CDH12: variants seen among roughly 807,000 people sequenced by gnomAD.
The protein encoded by CDH12 is cadherin-12.
Under a neutral mutation model 74.1 loss-of-function variants are expected in CDH12, and 41 were observed. The ratio of observed to expected loss-of-function variants is 0.55; its 90% confidence interval spans 0.43 to 0.72. The LOEUF (loss-of-function observed/expected upper bound fraction) is 0.72. Among genes scored for constraint, CDH12 ranks in the 30% least tolerant of loss-of-function variants. The probability of loss-of-function intolerance (pLI) is 0.00; values close to 1 mark genes in which losing one functional copy is unlikely to be tolerated. For missense variants in CDH12, 945 were observed against 977.2 expected, an observed-to-expected ratio of 0.97 and a Z score of 0.44; for synonymous variants, 399 against 355.0, an observed-to-expected ratio of 1.12 and a Z score of -1.39.
At chr5:22,575,350 G>T (rs886761282) in intron 1 of CDH12, among the ~76,000 whole-genome samples, 3 of 151,824 alleles carry the variant, frequency 2.0e-5, no homozygotes, top group Non-Finnish European at 4.4e-5. Flanking sequence ...TGTGTACTCT[G>T]GGCTGAGGAT....
chr5:22,313,352 G>A (rs1375387367), intron 3 of CDH12, among the ~76,000 whole-genome samples: 4 of 152,144 alleles, frequency 2.6e-5, no homozygotes, highest in African/African-American at 9.7e-5. Flanking sequence ...ATAAAATAAA[G>A]TCAAAGAAGG....
At chr5:22,544,559 T>C (rs976912852) in intron 1 of CDH12, among the ~76,000 whole-genome samples, 1 of 152,166 alleles carries the variant, frequency 6.6e-6, no homozygotes. Context: ...CTCACACCTA[T>C]ATTTCCAACA....
chr5:22,551,463 C>A (rs1026491547), intron 1 of CDH12, among the ~76,000 whole-genome samples: 1 of 152,126 alleles, frequency 6.6e-6, no homozygotes, highest in Non-Finnish European at 1.5e-5. Flanking sequence ...GTGGTTGCTA[C>A]CCAACCTTCA....
chr5:22,404,645 A>G (rs185579883), intron 3 of CDH12, among the ~76,000 whole-genome samples: 21 of 152,300 alleles, frequency 1.4e-4, no homozygotes, highest in Admixed American at 1.2e-3. Flanking sequence ...GACCTTTAAC[A>G]TGATATATTG....
intron 1 of CDH12, among the ~76,000 whole-genome samples, chr5:22,850,194 G>A (rs1282290884): frequency 6.6e-6 from 1 of 151,998 alleles, no homozygotes; most frequent in Non-Finnish European, 1.5e-5. Context: ...ATCTTATGAT[G>A]AGATGCTTAA....
chr5:22,096,821 G>A (rs1743809399), intron 4 of CDH12, among the ~76,000 whole-genome samples: 2 of 152,066 alleles, frequency 1.3e-5, no homozygotes, highest in Admixed American at 6.5e-5. Context: ...AAGGTCACAA[G>A]GCCGTCTTAT....
At chr5:21,950,769 A>T (rs1220724519) in intron 6 of CDH12, among the ~76,000 whole-genome samples, 1 of 94,564 alleles carries the variant, frequency 1.1e-5, no homozygotes, top group Non-Finnish European at 2.0e-5. Flanking sequence ...TATTATTATT[A>T]TTATTATTAT....
At chr5:22,095,130 G>A (rs1743676491) in intron 4 of CDH12, among the ~76,000 whole-genome samples, 1 of 152,076 alleles carries the variant, frequency 6.6e-6, no homozygotes, top group African/African-American at 2.4e-5. Flanking sequence ...CCTGCTCTTT[G>A]CTCCATGAAA....
intron 1 of CDH12, among the ~76,000 whole-genome samples, chr5:22,558,883 T>C (rs146642376): frequency 1.8e-4 from 28 of 152,100 alleles, no homozygotes; most frequent in African/African-American, 6.0e-4. Flanking sequence ...CCCTGTGACA[T>C]AGGAAATTAA....
chr5:22,387,090 G>A (rs1265655491), intron 3 of CDH12, among the ~76,000 whole-genome samples: 1 of 151,866 alleles, frequency 6.6e-6, no homozygotes. Context: ...ATTAAAATTT[G>A]AGCTTCTTTT....
At chr5:22,492,913 C>G (rs542841703) in intron 2 of CDH12, among the ~76,000 whole-genome samples, 5 of 152,110 alleles carry the variant, frequency 3.3e-5, no homozygotes, top group Non-Finnish European at 5.9e-5. Context: ...CACAGAAGAT[C>G]CAAACTCCTC....
intron 4 of CDH12, among the ~76,000 whole-genome samples, chr5:22,154,177 T>C (rs898646761): frequency 2.7e-5 from 4 of 150,534 alleles, no homozygotes; most frequent in African/African-American, 7.3e-5. Context: ...TATTATGAAA[T>C]GATTACCACA....
intron 3 of CDH12, among the ~76,000 whole-genome samples, chr5:22,399,311 T>C (rs1280552967): frequency 6.6e-6 from 1 of 152,068 alleles, no homozygotes; most frequent in African/African-American, 2.4e-5. Flanking sequence ...GCAGCAAGGA[T>C]ATGACACAAA....
chr5:22,009,670 T>C (rs1737175970), intron 5 of CDH12, among the ~76,000 whole-genome samples: 1 of 151,974 alleles, frequency 6.6e-6, no homozygotes, highest in Middle Eastern at 3.4e-3. Context: ...TTTAATGTTA[T>C]GTATTCTAGA....
intron 1 of CDH12, among the ~76,000 whole-genome samples, chr5:22,795,416 G>A (rs1748144344): frequency 6.6e-6 from 1 of 151,980 alleles, no homozygotes; most frequent in Non-Finnish European, 1.5e-5. Context: ...ACATAAGGAA[G>A]GCAAAGCATC....
rs970367254 is a variant in CDH12 at position 22,001,300 on chromosome 5, C to T, written c.232-25915G>A. Among the ~76,000 whole-genome samples, 5 of 148,808 alleles carry T rather than the reference C, an allele frequency of 3.4e-5. No individual in the cohort carries two copies. In the East Asian group the frequency reaches 5.8e-4, roughly 17 times the overall value. On this transcript the variant is annotated intron_variant, in intron 5 of 14. Transcript: ENST00000382254. ...ACTGCTAGAGGCCTACCCGATATCC[C>T]GTCCCCCTCCTCCTTATTAATAGAA...
intron 2 of CDH12, among the ~76,000 whole-genome samples, chr5:22,424,949 A>G (rs1743831321): frequency 6.6e-6 from 1 of 151,604 alleles, no homozygotes; most frequent in African/African-American, 2.4e-5. Context: ...AAAATATGCC[A>G]AACAAAAATA....
intron 4 of CDH12, among the ~76,000 whole-genome samples, chr5:22,148,967 A>C (rs1296005315): frequency 6.6e-6 from 1 of 152,032 alleles, no homozygotes; most frequent in Non-Finnish European, 1.5e-5. Context: ...AAAATACAAA[A>C]ATTAGCTGAC....
At chr5:22,233,133 T>C (rs1340305888) in intron 3 of CDH12, among the ~76,000 whole-genome samples, 1 of 151,702 alleles carries the variant, frequency 6.6e-6, no homozygotes, top group Non-Finnish European at 1.5e-5. Flanking sequence ...TCTAAAGCCT[T>C]TGGATTTCCA....
Sources: gnomAD v4.1 joint callset for allele counts (sites outside exome capture counted in the v4.1 genomes callset) on GRCh38, gnomAD v4.1.1 for gene constraint, MANE v1.5 for transcripts, NCBI Gene and HGNC (gene_info 2026-07-23, HGNC 2026-07-21) for gene names.